Variants in SUMF1 observed in about 807,000 individuals in gnomAD.
SUMF1 encodes the protein formylglycine-generating enzyme.
SUMF1 carries 48 observed loss-of-function variants against 47.6 expected under a neutral mutation model. The ratio of observed to expected loss-of-function variants is 1.01; its 90% CI spans 0.80 to 1.28. The LOEUF (loss-of-function observed/expected upper bound fraction) is 1.28, where lower values mean the gene tolerates loss of function less well. Among genes scored for constraint, SUMF1 ranks in the 50% most tolerant of loss-of-function variants. The probability of loss-of-function intolerance (pLI) is 0.00; values close to 1 mark genes in which losing one functional copy is unlikely to be tolerated. For synonymous variants in SUMF1, 230 were observed against 192.1 expected (o/e 1.20, Z -1.63); for missense variants, 571 against 485.4 (o/e 1.18, Z -1.66).
chr3:4,113,810 A>G (rs1693364660), intron 8 of SUMF1, among the ~76,000 whole-genome samples: 1 of 152,118 alleles, frequency 6.6e-6, no homozygotes, highest in Admixed American at 6.5e-5. Flanking sequence ...AATGTGGGGT[A>G]GGCAGATAGG....
At chr3:4,055,391 G>T (rs1477426857) in intron 9 of SUMF1, among the ~76,000 whole-genome samples, 1 of 151,956 alleles carries the variant, frequency 6.6e-6, no homozygotes, top group East Asian at 1.9e-4. Context: ...CATATACCAG[G>T]TATATTAGTT....
At chr3:4,212,335 G>C (rs1429398820) in intron 8 of SUMF1, among the ~76,000 whole-genome samples, 1 of 152,160 alleles carries the variant, frequency 6.6e-6, no homozygotes, top group Non-Finnish European at 1.5e-5. Context: ...CTGCGGCAGA[G>C]GGGCCTGATT....
chr3:4,352,064 T>C (rs1052843681), intron 8 of SUMF1, among the ~76,000 whole-genome samples: 1 of 152,150 alleles, frequency 6.6e-6, no homozygotes, highest in Non-Finnish European at 1.5e-5. Flanking sequence ...TCCTCACTCT[T>C]TGCCTTTTTA....
In SUMF1 at chr3:4,466,986, G is replaced by A; in HGVS notation, c.260C>T (p.Ala87Val). 6.2e-7 allele frequency: 1 copy of A among 1,602,630 alleles called. No individual in the cohort carries two copies. The highest frequency in any genetic ancestry group is 1.1e-5 in the South Asian group (1 of 89,336). The part of the protein sequence containing the change: ...PGPVPGERQL[A>V]HSKMVPIPAG... ...GAATCGATGGAGCACCTTTGAGTGC[G>A]CGAGTTGCCGCTCTCCGGGTACGGG... is the stretch of plus-strand genomic sequence containing the variant. The change falls in exon 1 of 9, where the codon GCG (alanine) becomes GTG (valine). Residue 87 changes from alanine to valine, a missense_variant. Ala to Val is a moderately conservative substitution (Grantham distance 64). Transcript: ENST00000272902.
intron 8 of SUMF1, among the ~76,000 whole-genome samples, chr3:4,250,217 GGAAA>G (rs1299356090): frequency 6.8e-6 from 1 of 146,904 alleles, no homozygotes. Flanking sequence ...AGAAAAGAAA[GGAAA>G]GAAAGAAAGG....
intron 8 of SUMF1, among the ~76,000 whole-genome samples, chr3:4,231,720 G>A (rs1264188878): frequency 6.6e-6 from 1 of 152,064 alleles, no homozygotes; most frequent in Non-Finnish European, 1.5e-5. Context: ...AAAAATCACT[G>A]CATTTATCTG....
intron 4 of SUMF1, among the ~76,000 whole-genome samples, chr3:4,418,889 G>C (rs756608578): frequency 2.6e-5 from 4 of 152,206 alleles, no homozygotes; most frequent in African/African-American, 4.8e-5. Context: ...CCCAGCACTA[G>C]ATGGCTTTGG....
At chr3:4,118,222 AGAGAG>A (rs1398413304) in intron 8 of SUMF1, among the ~76,000 whole-genome samples, 1 of 152,058 alleles carries the variant, frequency 6.6e-6, no homozygotes, top group Non-Finnish European at 1.5e-5. Flanking sequence ...CTTTATTTAC[AGAGAG>A]AAGAGAAGAT....
intron 8 of SUMF1, among the ~76,000 whole-genome samples, chr3:4,287,929 G>A (rs755134455): frequency 2.0e-5 from 3 of 152,188 alleles, no homozygotes; most frequent in Non-Finnish European, 4.4e-5. Flanking sequence ...ATAATTCACA[G>A]ATTTGGATAA....
At chr3:4,307,913 G>GTGGT (rs1025597768) in intron 8 of SUMF1, among the ~76,000 whole-genome samples, 1 of 152,080 alleles carries the variant, frequency 6.6e-6, no homozygotes, top group Admixed American at 6.6e-5. Flanking sequence ...ACCAGACATG[G>GTGGT]TGGTGCATGC....
chr3:4,379,766 C>T (rs1446428327), intron 7 of SUMF1, among the ~76,000 whole-genome samples: 3 of 149,984 alleles, frequency 2.0e-5, no homozygotes, highest in Non-Finnish European at 4.4e-5. Flanking sequence ...CACTTGAATC[C>T]GCGAGGCGGA....
chr3:4,436,129 T>A (rs1416031236), intron 3 of SUMF1, among the ~76,000 whole-genome samples: 4 of 152,122 alleles, frequency 2.6e-5, no homozygotes, highest in African/African-American at 7.2e-5. Flanking sequence ...TTTTAAAAAG[T>A]AAATAAATAA....
chr3:4,266,653 A>C (rs1242891994), intron 8 of SUMF1, among the ~76,000 whole-genome samples: 10 of 151,742 alleles, frequency 6.6e-5, no homozygotes, highest in African/African-American at 2.4e-4. Flanking sequence ...CTAGATATAC[A>C]ATCATGTCAT....
At chr3:4,183,840 C>A (rs1024387953) in intron 8 of SUMF1, among the ~76,000 whole-genome samples, 1 of 152,010 alleles carries the variant, frequency 6.6e-6, no homozygotes, top group Admixed American at 6.6e-5. Context: ...TAATGGGCTA[C>A]TTTATAAGTA....
intron 9 of SUMF1, among the ~76,000 whole-genome samples, chr3:4,066,144 C>G (rs1695371613): frequency 6.6e-6 from 1 of 151,842 alleles, no homozygotes; most frequent in African/African-American, 2.4e-5. Flanking sequence ...CACAGTCCAT[C>G]CCTCCCCCAG....
At chr3:4,136,409 G>A (rs1240314650) in intron 8 of SUMF1, among the ~76,000 whole-genome samples, 1 of 152,070 alleles carries the variant, frequency 6.6e-6, no homozygotes, top group Admixed American at 6.6e-5. Context: ...GGGAAAACTG[G>A]CTAGCCATAT....
intron 3 of SUMF1, among the ~76,000 whole-genome samples, chr3:4,440,283 T>C (rs1265705407): frequency 6.6e-6 from 1 of 151,890 alleles, no homozygotes; most frequent in Non-Finnish European, 1.5e-5. Context: ...GCTATTTATC[T>C]GACTTACATG....
At chr3:4,258,351 A>G (rs879741529) in intron 8 of SUMF1, among the ~76,000 whole-genome samples, 36 of 144,254 alleles carry the variant, frequency 2.5e-4, no homozygotes, top group South Asian at 8.6e-4. Flanking sequence ...GAAAATTTTC[A>G]CAACCTACTC....
chr3:4,145,656 T>C (rs1694176446), intron 8 of SUMF1, among the ~76,000 whole-genome samples: 1 of 152,178 alleles, frequency 6.6e-6, no homozygotes, highest in South Asian at 2.1e-4. Context: ...ATAAGCCTCC[T>C]TTGACTTTTC....
Sources: gnomAD v4.1 joint callset for allele counts (sites outside exome capture counted in the v4.1 genomes callset) on GRCh38, gnomAD v4.1.1 for gene constraint, MANE v1.5 for transcripts, NCBI Gene and HGNC (gene_info 2026-07-23, HGNC 2026-07-21) for gene names.